TNRC6B: variants seen among roughly 807,000 people sequenced by gnomAD.
The protein encoded by TNRC6B is trinucleotide repeat containing adaptor 6B.
TNRC6B carries 52 observed loss-of-function variants against 203.6 expected under a neutral mutation model. The observed-to-expected ratio is 0.26, with a 90% confidence interval of 0.20 to 0.32. The LOEUF is 0.32. Among genes scored for constraint, TNRC6B ranks in the 10% least tolerant of loss-of-function variants. The probability of loss-of-function intolerance (pLI) is 1.00; values close to 1 mark genes in which losing one functional copy is unlikely to be tolerated. For synonymous variants in TNRC6B, 838 were observed against 845.7 expected, an observed-to-expected ratio of 0.99 and a Z score of 0.16; for missense variants, 1,923 against 2,286.2, an observed-to-expected ratio of 0.84 and a Z score of 3.24.
intron 1 of TNRC6B, chr22:40,106,612 A>AT: frequency 1.4e-6 from 1 of 728,332 alleles, no homozygotes; most frequent in Non-Finnish European, 2.5e-6. Context: ...AGATAAGTTC[A>AT]TTTAGTGACT....
rs2071453356 is a variant in TNRC6B at position 40,330,470 on chromosome 22, C to T, written c.*7229C>T. 2 of 152,310 alleles carry T rather than the reference C, an allele frequency of 1.3e-5. No individual in the cohort carries two copies. Among genetic ancestry groups the T allele is most frequent in the South Asian group, 2.1e-4 (1 of 4,824 alleles). 9.4% of individuals were successfully genotyped at this position (152,310 alleles called of 1,614,324 possible). A position where few individuals can be genotyped will look rare whatever the true frequency, so the allele number is the denominator to read the frequency against. On this transcript the variant is annotated 3_prime_UTR_variant, in exon 23 of 23. Coordinates refer to ENST00000454349, the MANE Select transcript of TNRC6B (RefSeq NM_001162501.2). ...GAGCTTTACAGAGAGGAGGACAGTA[C>T]ATCCTATGTGTGTTCGCCAAAAATG... is the stretch of plus-strand genomic sequence containing the variant.
Position 40,271,505 on chromosome 22 carries a change from G to A in TNRC6B, c.2965+1225G>A, listed in dbSNP as rs543600219. Among the ~76,000 whole-genome samples the A allele has an allele frequency of 1.4e-4, 22 of 152,128 alleles. No homozygotes were observed. The South Asian group carries it at 4.6e-3, about 32-fold the overall frequency. On this transcript the variant is annotated intron_variant, in intron 6 of 22. Transcript: ENST00000454349. ...CATTTTAAAAATCATGAATCTCCTC[G>A]ACCTCATTAAAATAGTTAGCTTTAT...
At chr22:40,069,017 G>GA (rs1446308730) in intron 1 of TNRC6B, among the ~76,000 whole-genome samples, 1 of 152,024 alleles carries the variant, frequency 6.6e-6, no homozygotes, top group African/African-American at 2.4e-5. Context: ...ATTTTTCATG[G>GA]AGAGTAAAAA....
intron 3 of TNRC6B, among the ~76,000 whole-genome samples, chr22:40,130,834 GT>G (rs2068536662): frequency 6.6e-6 from 1 of 150,850 alleles, no homozygotes; most frequent in Non-Finnish European, 1.5e-5. Context: ...GGTCAATATG[GT>G]TTACAAAATA....
chr22:40,218,313 T>C (rs1483081973), intron 1 of TNRC6B, among the ~76,000 whole-genome samples: 4 of 139,084 alleles, frequency 2.9e-5, no homozygotes, highest in African/African-American at 1.0e-4. Context: ...TTTTTTTTTC[T>C]TTTTTCTTTT....
chr22:40,253,624 C>A (rs755698643), intron 3 of TNRC6B: 5 of 456,152 alleles, frequency 1.1e-5, no homozygotes, highest in African/African-American at 4.0e-5. Context: ...TAAAATAATC[C>A]TAAAGGGAGG....
At chr22:40,087,233 G>C (rs1240370747) in intron 1 of TNRC6B, among the ~76,000 whole-genome samples, 1 of 152,206 alleles carries the variant, frequency 6.6e-6, no homozygotes, top group Non-Finnish European at 1.5e-5. Flanking sequence ...AATCAAGTTA[G>C]AGGAGAATGG....
intron 1 of TNRC6B, among the ~76,000 whole-genome samples, chr22:40,049,697 G>A (rs1055556462): frequency 5.9e-5 from 9 of 152,070 alleles, no homozygotes; most frequent in Non-Finnish European, 1.2e-4. Flanking sequence ...TCTGCCTTCC[G>A]GGTTTAAGTG....
intron 1 of TNRC6B, among the ~76,000 whole-genome samples, chr22:40,238,809 A>G (rs2069985469): frequency 6.6e-6 from 1 of 152,164 alleles, no homozygotes; most frequent in Non-Finnish European, 1.5e-5. Context: ...ATCTTGTTGT[A>G]TATCTTGTTC....
intron 3 of TNRC6B, among the ~76,000 whole-genome samples, chr22:40,260,007 A>T (rs2070351774): frequency 6.6e-6 from 1 of 152,156 alleles, no homozygotes; most frequent in Non-Finnish European, 1.5e-5. Context: ...TACAGATCTA[A>T]GAGAGCCTTC....
rs1419189924 is a variant in TNRC6B at position 40,274,768 on chromosome 22, AC to A, written c.3141+1169del. On this transcript the variant is annotated intron_variant, in intron 7 of 22. Transcript: ENST00000454349. ...CATCATGTACCAGGTTGTGTACTAAACTTTTCACCTTCTGTGTGAAAGTCCT... is the reference window on the plus strand; with the variant it reads ...CATCATGTACCAGGTTGTGTACTAAATTTTCACCTTCTGTGTGAAAGTCCT... Among the ~76,000 whole-genome samples the A allele has an allele frequency of 6.6e-5, 10 of 152,194 alleles. No individual in the cohort carries two copies. The East Asian group carries it at 1.9e-3, about 29-fold the overall frequency.
At chr22:40,136,916 T>A (rs1328385290) in intron 3 of TNRC6B, among the ~76,000 whole-genome samples, 1 of 152,184 alleles carries the variant, frequency 6.6e-6, no homozygotes, top group African/African-American at 2.4e-5. Context: ...GAGAATAAAG[T>A]CATCTGTTGA....
At chr22:40,060,347 T>C (rs2067839542) in intron 1 of TNRC6B, among the ~76,000 whole-genome samples, 1 of 152,082 alleles carries the variant, frequency 6.6e-6, no homozygotes, top group Non-Finnish European at 1.5e-5. Context: ...CCCGGCTAAT[T>C]TTTATAAATT....
rs1601527953 is a variant in TNRC6B at position 40,327,763 on chromosome 22, C to G, written c.*4522C>G. ...GTGCCTTCTTCTCTTCTACCACACT[C>G]TGGCATAGATACAGGCTTGCTGGTC... On this transcript the variant is annotated 3_prime_UTR_variant, in exon 23 of 23. Coordinates refer to ENST00000454349, the MANE Select transcript of TNRC6B (RefSeq NM_001162501.2). The G allele has an allele frequency of 6.6e-6, 1 of 152,228 alleles. No individual in the cohort carries two copies. The highest frequency in any genetic ancestry group is 6.5e-5 in the Admixed American group (1 of 15,282). The allele number at this position is 152,228 out of a possible 1,614,324, so 9.4% of individuals were successfully genotyped here.
intron 3 of TNRC6B, among the ~76,000 whole-genome samples, chr22:40,136,488 T>C (rs896191885): frequency 2.7e-4 from 41 of 151,630 alleles, no homozygotes; most frequent in African/African-American, 9.0e-4. Context: ...AGCCTGAACC[T>C]CTTGGGCTCC....
rs950134574 is a variant in TNRC6B, at chr22:40,301,063, G to T, written c.3936+58G>T. The T allele has an allele frequency of 7.0e-6, 11 of 1,576,866 alleles. No individual in the cohort carries two copies. In the African/African-American group the frequency reaches 1.2e-4, roughly 17 times the overall value. ...TGTTGGAGGAGTACATCCCGGCTTA[G>T]CCTCTGATGGCAAAGAACCGGGCAC... On this transcript the variant is annotated intron_variant, in intron 14 of 22. Transcript: ENST00000454349.
rs1259051824 is a variant in TNRC6B at position 40,275,972 on chromosome 22, C to T, written c.3142-1105C>T. 4.0e-5 allele frequency among the ~76,000 whole-genome samples: 6 copies of T among 150,836 alleles called. No homozygotes were observed. The East Asian group carries it at 5.9e-4, about 15-fold the overall frequency. On this transcript the variant is annotated intron_variant, in intron 7 of 22. Coordinates refer to ENST00000454349, the MANE Select transcript of TNRC6B (RefSeq NM_001162501.2). ...GAAACTCAGTCTCAAAAAAAAAAAC[C>T]GCCCCCCACACACACACCAAAAAAA...
chr22:40,263,103 A>G (rs1229447377), intron 4 of TNRC6B, among the ~76,000 whole-genome samples: 2 of 152,164 alleles, frequency 1.3e-5, no homozygotes, highest in African/African-American at 4.8e-5. Context: ...ACTAACAGCT[A>G]AGAAATTCTA....
chr22:40,106,912 A>G (rs778266523), intron 1 of TNRC6B: 22 of 993,734 alleles, frequency 2.2e-5, no homozygotes, highest in South Asian at 1.0e-4. Context: ...TCGCTTTTTC[A>G]TGGATAAACT....
Sources: allele counts gnomAD v4.1 joint callset (sites outside exome capture counted in the v4.1 genomes callset), GRCh38; gene constraint gnomAD v4.1.1; transcripts MANE v1.5; gene names NCBI Gene and HGNC (gene_info 2026-07-23, HGNC 2026-07-21).